GEMIN5: variants seen among roughly 807,000 people sequenced by gnomAD.
GEMIN5 encodes gem nuclear organelle associated protein 5.
GEMIN5 carries 124 observed loss-of-function variants against 176.9 expected under a neutral mutation model. That is an observed-to-expected ratio of 0.70 (90% CI 0.61 to 0.81). GEMIN5 has a LOEUF of 0.81. Among genes scored for constraint, GEMIN5 ranks in the 40% least tolerant of loss-of-function variants. The pLI is 0.00. For missense variants in GEMIN5, 1,843 were observed against 1,814.6 expected (o/e 1.02, Z -0.28); for synonymous variants, 673 against 665.2 (o/e 1.01, Z -0.18).
In GEMIN5 at chr5:154,904,680, T is replaced by C. The variant is rs760177493; in HGVS notation, c.2510-51A>G. On this transcript the variant is annotated intron_variant, in intron 17 of 27. Transcript: ENST00000285873. ...TCTGAAGGAGAACTGATCAGAAACA[T>C]AAAACGGAATGCCTATTGTGTGAAT... 69 of 1,417,462 alleles carry C rather than the reference T, an allele frequency of 4.9e-5. No homozygotes were observed. The East Asian group carries it at 1.4e-3, about 28-fold the overall frequency. The allele number at this position is 1,417,462 out of a possible 1,614,324, so 87.8% of individuals were successfully genotyped here. A position where few individuals can be genotyped will look rare whatever the true frequency, so the allele number is the denominator to read the frequency against.
Position 154,937,181 on chromosome 5 carries a change from T to C in GEMIN5, c.171A>G (p.Ile57Met). ...ESPGTPPFRV[I>M]GELVGHTERV... ...TTTCGGTGTGTCCCACCAACTCTCC[T>C]ATGACTTTAAGCAAAACCAGACGCT... Residue 57 changes from isoleucine to methionine, a missense_variant, in exon 2 of 28, where the codon ATA (isoleucine) becomes ATG (methionine). By Grantham distance (10) the Ile-to-Met change is conservative (BLOSUM62 1). Coordinates refer to ENST00000285873, the MANE Select transcript of GEMIN5 (RefSeq NM_015465.5). 6.2e-7 allele frequency: 1 copy of C among 1,602,086 alleles called. No homozygotes were observed. Among genetic ancestry groups the C allele is most frequent in the Non-Finnish European group, 8.5e-7 (1 of 1,172,556 alleles).
intron 9 of GEMIN5, among the ~76,000 whole-genome samples, chr5:154,922,414 G>A (rs348741): frequency 0.46 from 69,812 of 151,882 alleles, 17,177 homozygotes; most frequent in Middle Eastern, 0.57. Context: ...TGATCTGCCC[G>A]CGTCGGCCTC....
At chr5:154,900,953 T>A (rs1763449074) in intron 21 of GEMIN5, among the ~76,000 whole-genome samples, 2 of 152,302 alleles carry the variant, frequency 1.3e-5, no homozygotes, top group South Asian at 2.1e-4. Flanking sequence ...ATCAAGCTGA[T>A]ACACAACTTT....
intron 9 of GEMIN5, among the ~76,000 whole-genome samples, chr5:154,923,651 T>C (rs1582671022): frequency 6.6e-6 from 1 of 152,248 alleles, no homozygotes; most frequent in Admixed American, 6.5e-5. Flanking sequence ...AAACATTCTT[T>C]TGATTTTTCT....
intron 27 of GEMIN5, 27 bp downstream of exon 27, chr5:154,889,294 T>C (rs1763176378): frequency 1.7e-6 from 2 of 1,178,684 alleles, no homozygotes; most frequent in Non-Finnish European, 2.5e-6. Context: ...AGTGATGCTT[T>C]ACCAAATGAA....
chr5:154,905,363 C>T lies in GEMIN5; in HGVS notation c.2509G>A (p.Glu837Lys). 6.6e-7 allele frequency: 1 copy of T among 1,505,366 alleles called. No individual in the cohort carries two copies. Among genetic ancestry groups the T allele is most frequent in the Non-Finnish European group, 9.2e-7 (1 of 1,090,328 alleles). The allele number at this position is 1,505,366 out of a possible 1,614,324, so 93.3% of individuals were successfully genotyped here. The change falls in exon 17 of 28, where the codon GAA becomes AAA. Residue 837 changes from glutamate to lysine, a missense_variant and splice_region_variant. Glu to Lys is a moderately conservative substitution (Grantham distance 56, BLOSUM62 1). Transcript: ENST00000285873. ...LKKEPPKEKP[E>K]TLIKKRKARS... ...TGTATTTTAATTACTAGATACCAAC[C>T]TGGCTTCTCTTTTGGTGGCTCCTTT...
intron 9 of GEMIN5, among the ~76,000 whole-genome samples, 197 bp from the exon 10 acceptor site, chr5:154,921,622 T>C (rs1170908468): frequency 6.6e-6 from 1 of 152,226 alleles, no homozygotes; most frequent in Non-Finnish European, 1.5e-5. Context: ...ATTTAAATTA[T>C]ATTTAAATAT....
chr5:154,901,226 G>A (rs1048084723), intron 21 of GEMIN5, 113 bp downstream of exon 21: 1 of 1,011,624 alleles, frequency 9.9e-7, no homozygotes, highest in Non-Finnish European at 1.5e-6. Flanking sequence ...AGTTACTCAG[G>A]GGGCTGAAGC....
At chr5:154,903,515 G>A (rs62382194) in intron 18 of GEMIN5, among the ~76,000 whole-genome samples, 1 of 152,094 alleles carries the variant, frequency 6.6e-6, no homozygotes, top group African/African-American at 2.4e-5. Flanking sequence ...TAATTTTCCA[G>A]TAAGGAAAAT....
At chr5:154,912,453 A>C (rs924275257) in intron 14 of GEMIN5, among the ~76,000 whole-genome samples, 5 of 152,250 alleles carry the variant, frequency 3.3e-5, no homozygotes, top group Admixed American at 6.5e-5. Context: ...TAGTTCTGAT[A>C]TCCACAAGTC....
intron 15 of GEMIN5, among the ~76,000 whole-genome samples, chr5:154,908,944 A>T (rs1763632159): frequency 6.6e-6 from 1 of 151,854 alleles, no homozygotes; most frequent in African/African-American, 2.4e-5. Flanking sequence ...CCAAATGGTG[A>T]GTTTGTTTTT....
chr5:154,910,569 G>A (rs1763680313), intron 15 of GEMIN5, among the ~76,000 whole-genome samples: 1 of 152,212 alleles, frequency 6.6e-6, no homozygotes, highest in Non-Finnish European at 1.5e-5. Flanking sequence ...TTCCCAAAGT[G>A]CTGGGAATAC....
At chr5:154,910,018 C>T (rs1763662978) in intron 15 of GEMIN5, among the ~76,000 whole-genome samples, 1 of 151,428 alleles carries the variant, frequency 6.6e-6, no homozygotes, top group African/African-American at 2.4e-5. Context: ...CAGAATTAGA[C>T]AGTATGTAGT....
In GEMIN5 at chr5:154,891,345, T is replaced by A. The variant is rs962419758; in HGVS notation, c.4158A>T (p.Arg1386=). 2.5e-6 allele frequency: 4 copies of A among 1,614,122 alleles called. No individual in the cohort carries two copies. The highest frequency in any genetic ancestry group is 3.4e-6 in the Non-Finnish European group (4 of 1,179,976). ...EVQETLAEMI[R]QHQKSQLCKS... ...TACAGAGTTGACTCTTTTGGTGTTGTCGGATCATTTCTGCCAAGGTCTCTT... is the reference window on the plus strand; with the variant it reads ...TACAGAGTTGACTCTTTTGGTGTTGACGGATCATTTCTGCCAAGGTCTCTT... The change falls in exon 26 of 28, where the codon CGA becomes CGT. Residue 1386 remains arginine, a synonymous_variant. Transcript: ENST00000285873.
chr5:154,917,342 A>G (rs1763835370), intron 12 of GEMIN5, among the ~76,000 whole-genome samples, 163 bp from the exon 13 acceptor site: 1 of 152,244 alleles, frequency 6.6e-6, no homozygotes, highest in African/African-American at 2.4e-5. Flanking sequence ...AATCAAGTAT[A>G]AAAAGTTATT....
Position 154,931,588 on chromosome 5 carries a change from G to A in GEMIN5, c.662-11C>T. On this transcript the variant is annotated splice_polypyrimidine_tract_variant and intron_variant, in intron 4 of 27. Transcript: ENST00000285873. ...TAATTTCAGCTTCTTCTATGAGATAGGTGGCAATTTTGTTTTTAATTTACA... is the reference window on the plus strand; with the variant it reads ...TAATTTCAGCTTCTTCTATGAGATAAGTGGCAATTTTGTTTTTAATTTACA... The A allele has an allele frequency of 1.3e-6, 2 of 1,576,520 alleles. No homozygotes were observed. The highest frequency in any genetic ancestry group is 4.5e-5 in the East Asian group (2 of 44,146).
Position 154,901,546 on chromosome 5 carries a change from C to T in GEMIN5, c.2867-60G>A. 3.9e-6 allele frequency: 6 copies of T among 1,541,184 alleles called. No homozygotes were observed. In the South Asian group the frequency reaches 5.7e-5, roughly 15 times the overall value. ...TTGAAGAAAAAGTAAAAACAATACC[C>T]AGTACATTTGGGTTGAAAAAGCCTT... On this transcript the variant is annotated intron_variant, in intron 20 of 27. Transcript: ENST00000285873.
At chr5:154,936,416 C>CAAAAAAAA (rs1303685123) in intron 2 of GEMIN5, among the ~76,000 whole-genome samples, 42 of 14,840 alleles carry the variant, frequency 2.8e-3, no homozygotes, top group African/African-American at 4.2e-3. Flanking sequence ...GACTCCGTCT[C>CAAAAAAAA]AAAAAAAAAA....
intron 15 of GEMIN5, among the ~76,000 whole-genome samples, chr5:154,909,739 G>A (rs575760454): frequency 5.3e-5 from 8 of 152,250 alleles, no homozygotes; most frequent in Admixed American, 5.2e-4. Flanking sequence ...AGCACTTTGG[G>A]AGGCTGAGGC....
Sources: allele counts gnomAD v4.1 joint callset (sites outside exome capture counted in the v4.1 genomes callset), GRCh38; gene constraint gnomAD v4.1.1; transcripts MANE v1.5; gene names NCBI Gene and HGNC (gene_info 2026-07-23, HGNC 2026-07-21).